GADL1: variants seen among roughly 807,000 people sequenced by gnomAD.
The protein encoded by GADL1 is GAD like acidic amino acid decarboxylase 1.
Under a neutral mutation model 69.5 loss-of-function variants are expected in GADL1, and 71 were observed. The observed-to-expected ratio is 1.02, with a 90% CI of 0.84 to 1.25. GADL1 has a LOEUF of 1.25. Among genes scored for constraint, GADL1 ranks in the 50% most tolerant of loss-of-function variants. GADL1 has a pLI of 0.00. For missense variants in GADL1, 737 were observed against 631.8 expected, an observed-to-expected ratio of 1.17 and a Z score of -1.79; for synonymous variants, 254 against 214.4, an observed-to-expected ratio of 1.18 and a Z score of -1.62.
At chr3:30,763,507 C>CA (rs1553636649) in intron 14 of GADL1, among the ~76,000 whole-genome samples, 1,586 of 6,244 alleles carry the variant, frequency 0.25, 49 homozygotes, top group African/African-American at 0.44. Flanking sequence ...GTCTCGGCGG[C>CA]GGGGGGTGGG....
intron 14 of GADL1, among the ~76,000 whole-genome samples, chr3:30,733,321 T>G (rs1306630924): frequency 1.3e-5 from 2 of 152,212 alleles, no homozygotes; most frequent in Non-Finnish European, 2.9e-5. Context: ...ATTGCTGCTG[T>G]GGCTTTCTTC....
At chr3:30,755,068 C>T (rs542250494) in intron 14 of GADL1, among the ~76,000 whole-genome samples, 7 of 152,106 alleles carry the variant, frequency 4.6e-5, no homozygotes, top group Non-Finnish European at 8.8e-5. Context: ...GAGGATTTAG[C>T]CTACCCAGGG....
intron 14 of GADL1, among the ~76,000 whole-genome samples, chr3:30,748,034 A>T (rs576021837): frequency 6.6e-6 from 1 of 152,364 alleles, no homozygotes; most frequent in East Asian, 1.9e-4. Context: ...AAAATTCAAC[A>T]GCATGCAAAC....
At chr3:30,857,364 T>C (rs1698245278) in intron 2 of GADL1, among the ~76,000 whole-genome samples, 1 of 152,044 alleles carries the variant, frequency 6.6e-6, no homozygotes, top group Admixed American at 6.6e-5. Flanking sequence ...TTCCTAGTGA[T>C]ACTGATATCT....
Position 30,727,147 on chromosome 3 carries a change from A to G in GADL1, c.*1095T>C, listed in dbSNP as rs1695379934. 1 of 149,854 alleles carries G rather than the reference A, an allele frequency of 6.7e-6. No homozygotes were observed. Among genetic ancestry groups the G allele is most frequent in the South Asian group, 2.1e-4 (1 of 4,788 alleles). 9.3% of individuals were successfully genotyped at this position (149,854 alleles called of 1,614,324 possible). A position where few individuals can be genotyped will look rare whatever the true frequency, so the allele number is the denominator to read the frequency against. ...TGTGTATATATATACATATATATGT[A>G]TATATGTATATCACAGAAACATATA... On this transcript the variant is annotated 3_prime_UTR_variant, in exon 15 of 15. Coordinates refer to ENST00000282538, the MANE Select transcript of GADL1 (RefSeq NM_207359.3).
intron 11 of GADL1, among the ~76,000 whole-genome samples, chr3:30,821,034 A>C (rs1014856007): frequency 9.9e-5 from 15 of 152,098 alleles, no homozygotes; most frequent in Non-Finnish European, 1.8e-4. Flanking sequence ...GACATGGATG[A>C]AAATTGGAAA....
At position 30,800,880 on chromosome 3, in the gene GADL1, G is replaced by GAGAGAGAGA. The variant is rs766126100; in HGVS notation, c.1250+8_1250+9insTCTCTCTCT. The GAGAGAGAGA allele has an allele frequency of 6.7e-7, 1 of 1,487,052 alleles. No homozygotes were observed. Among genetic ancestry groups the GAGAGAGAGA allele is most frequent in the Admixed American group, 1.7e-5 (1 of 58,200 alleles). The allele number at this position is 1,487,052 out of a possible 1,614,324, so 92.1% of individuals were successfully genotyped here. A position where few individuals can be genotyped will look rare whatever the true frequency, so the allele number is the denominator to read the frequency against. ...AGAGAGAGAGAGAGAGAGAGAGAGA[G>GAGAGAGAGA]GCTAGTACCTAGATAAAGCAAGAGC... On this transcript the variant is annotated intron_variant, in intron 12 of 14. Coordinates refer to ENST00000282538, the MANE Select transcript of GADL1 (RefSeq NM_207359.3).
chr3:30,765,132 C>A (rs1268092671), intron 14 of GADL1, among the ~76,000 whole-genome samples: 1 of 150,860 alleles, frequency 6.6e-6, no homozygotes, highest in Non-Finnish European at 1.5e-5. Context: ...AGAGGTAGTT[C>A]CCTCAAAGGC....
intron 1 of GADL1, among the ~76,000 whole-genome samples, chr3:30,874,918 T>C (rs1011585135): frequency 6.6e-6 from 1 of 151,910 alleles, no homozygotes; most frequent in African/African-American, 2.4e-5. Context: ...CGTACATAAT[T>C]GCTTCGGGGT....
chr3:30,878,918 C>T lies in GADL1; in HGVS notation c.37+15660G>A, dbSNP rs145303606. 3.7e-3 allele frequency among the ~76,000 whole-genome samples: 559 copies of T among 151,936 alleles called. 2 individuals carry two copies. The highest frequency in any genetic ancestry group is 5.0e-3 in the Non-Finnish European group (340 of 67,856). ...ATGATATATAGTAAGTTAAACAGTT[C>T]GTTTAGGCAATGTTCTGTTTAACTG... On this transcript the variant is annotated intron_variant, in intron 1 of 14. Transcript: ENST00000282538.
intron 12 of GADL1, among the ~76,000 whole-genome samples, chr3:30,788,262 A>G (rs1604641): frequency 0.23 from 34,985 of 152,118 alleles, 4,731 homozygotes; most frequent in Non-Finnish European, 0.3. Context: ...CCTCGGGGGT[A>G]TTGTAGGTTT....
At chr3:30,816,309 G>C (rs998814722) in intron 11 of GADL1, among the ~76,000 whole-genome samples, 8 of 151,846 alleles carry the variant, frequency 5.3e-5, no homozygotes, top group African/African-American at 1.9e-4. Flanking sequence ...GACTCAAGTG[G>C]GCAAAGAAGA....
intron 14 of GADL1, among the ~76,000 whole-genome samples, chr3:30,749,945 C>A (rs2125476799): frequency 6.6e-6 from 1 of 152,144 alleles, no homozygotes; most frequent in South Asian, 2.1e-4. Flanking sequence ...ATGATGAGGG[C>A]CAATGGAAAA....
At chr3:30,878,793 C>T (rs990282071) in intron 1 of GADL1, among the ~76,000 whole-genome samples, 1 of 151,762 alleles carries the variant, frequency 6.6e-6, no homozygotes, top group Non-Finnish European at 1.5e-5. Flanking sequence ...AATATAGTAT[C>T]CTTATTATGT....
rs1697370562 is a variant in GADL1, at chr3:30,812,181, T to C, written c.1051-11093A>G. ...CAAAGAGAATGTGGGTTACATGTGGTCCATGCTGAAGTCTTAATCAGTGGA... is the reference window on the plus strand; with the variant it reads ...CAAAGAGAATGTGGGTTACATGTGGCCCATGCTGAAGTCTTAATCAGTGGA... On this transcript the variant is annotated intron_variant, in intron 11 of 14. Coordinates refer to ENST00000282538, the MANE Select transcript of GADL1 (RefSeq NM_207359.3). Among the ~76,000 whole-genome samples the C allele has an allele frequency of 2.0e-5, 3 of 152,294 alleles. No individual in the cohort carries two copies. The South Asian group carries it at 6.2e-4, about 32-fold the overall frequency.
chr3:30,844,053 C>G (rs1332188441), intron 8 of GADL1, among the ~76,000 whole-genome samples, 157 bp downstream of exon 8: 1 of 152,234 alleles, frequency 6.6e-6, no homozygotes, highest in Non-Finnish European at 1.5e-5. Context: ...AATGAGTTTT[C>G]CTATTTTAAT....
At chr3:30,750,259 T>C (rs576495519) in intron 14 of GADL1, among the ~76,000 whole-genome samples, 3 of 152,316 alleles carry the variant, frequency 2.0e-5, no homozygotes, top group African/African-American at 7.2e-5. Context: ...AAGTACTTAT[T>C]TCTTTATGTT....
chr3:30,750,814 C>T (rs1223587208), intron 14 of GADL1, among the ~76,000 whole-genome samples: 5 of 149,226 alleles, frequency 3.4e-5, no homozygotes, highest in African/African-American at 1.0e-4. Flanking sequence ...TAAAAAGTTG[C>T]TAATTCATTC....
At chr3:30,755,130 ACT>A (rs200999372) in intron 14 of GADL1, among the ~76,000 whole-genome samples, 1 of 147,392 alleles carries the variant, frequency 6.8e-6, no homozygotes, top group African/African-American at 2.7e-5. Flanking sequence ...CTGACTTGGG[ACT>A]CTATAGTGAA....
Sources: allele counts gnomAD v4.1 joint callset (sites outside exome capture counted in the v4.1 genomes callset), GRCh38; gene constraint gnomAD v4.1.1; transcripts MANE v1.5; gene names NCBI Gene and HGNC (gene_info 2026-07-23, HGNC 2026-07-21).